MARCHF1: variants seen among roughly 807,000 people sequenced by gnomAD.
MARCHF1 encodes the protein E3 ubiquitin-protein ligase MARCHF1.
Under a neutral mutation model 54.2 loss-of-function variants are expected in MARCHF1, and 40 were observed. That is an observed-to-expected ratio of 0.74 (90% CI 0.57 to 0.96). The LOEUF is 0.96. Among genes scored for constraint, MARCHF1 ranks in the 40% least tolerant of loss-of-function variants. The pLI, the probability that MARCHF1 is intolerant of heterozygous loss-of-function variation, is 0.00. For synonymous variants in MARCHF1, 236 were observed against 236.3 expected (o/e 1.00, Z 0.01); for missense variants, 586 against 656.5 (o/e 0.89, Z 1.17).
chr4:164,350,334 G>A (rs1183581513), intron 1 of MARCHF1, among the ~76,000 whole-genome samples: 1 of 152,146 alleles, frequency 6.6e-6, no homozygotes, highest in African/African-American at 2.4e-5. Context: ...TAGAATTGAG[G>A]TTAGTAAAGT....
At chr4:163,613,162 A>C (rs192624700) in intron 6 of MARCHF1, 124 bp from the exon 7 acceptor site, 6 of 1,237,736 alleles carry the variant, frequency 4.8e-6, no homozygotes, top group African/African-American at 3.0e-5. Context: ...GATCAACTGA[A>C]GAAAATGAAC....
At chr4:164,033,225 C>T (rs961362571) in intron 2 of MARCHF1, among the ~76,000 whole-genome samples, 3 of 150,468 alleles carry the variant, frequency 2.0e-5, no homozygotes, top group African/African-American at 7.3e-5. Flanking sequence ...TAGCCATTTG[C>T]AGACAACTAA....
At chr4:164,095,415 AACAC>A (rs60204920) in intron 2 of MARCHF1, among the ~76,000 whole-genome samples, 181 of 148,920 alleles carry the variant, frequency 1.2e-3, no homozygotes, top group African/African-American at 2.6e-3. Context: ...CACACACACA[AACAC>A]ACACACACAC....
intron 5 of MARCHF1, chr4:163,613,645 A>G (rs562684246): frequency 7.1e-7 from 1 of 1,412,286 alleles, no homozygotes; most frequent in African/African-American, 1.4e-5. Context: ...AGATGATTCC[A>G]CAAGTTTCTA....
chr4:164,380,137 T>G (rs1392488342), intron 1 of MARCHF1, among the ~76,000 whole-genome samples: 1 of 152,202 alleles, frequency 6.6e-6, no homozygotes, highest in East Asian at 1.9e-4. Context: ...ATGAATAAAT[T>G]ATAAGTGCAT....
At position 163,575,778 on chromosome 4, in the gene MARCHF1, T is replaced by C. The variant is rs550156876; in HGVS notation, c.1191+9971A>G. Among the ~76,000 whole-genome samples, 16 of 152,128 alleles carry C rather than the reference T, an allele frequency of 1.1e-4. No homozygotes were observed. The South Asian group carries it at 3.3e-3, about 32-fold the overall frequency. ...TTCTTTCTGATTCAATCTTTGGAGA[T>C]TGCATGTTTCCAGAAATTTATCTTT... On this transcript the variant is annotated intron_variant, in intron 8 of 9. Coordinates refer to ENST00000514618, the MANE Select transcript of MARCHF1 (RefSeq NM_001394959.1).
At chr4:163,927,772 A>G (rs1265991680) in intron 3 of MARCHF1, among the ~76,000 whole-genome samples, 1 of 151,848 alleles carries the variant, frequency 6.6e-6, no homozygotes, top group African/African-American at 2.4e-5. Context: ...ATGTGTATCC[A>G]TTTTATACAA....
At chr4:164,095,945 G>A (rs186993559) in intron 2 of MARCHF1, among the ~76,000 whole-genome samples, 75 of 152,230 alleles carry the variant, frequency 4.9e-4, no homozygotes, top group African/African-American at 1.6e-3. Flanking sequence ...GGAGAAAGGG[G>A]AACGCTCATG....
intron 5 of MARCHF1, among the ~76,000 whole-genome samples, chr4:163,699,380 T>G (rs1744734814): frequency 6.6e-6 from 1 of 152,230 alleles, no homozygotes; most frequent in Non-Finnish European, 1.5e-5. Context: ...GGTCTGCTCC[T>G]ATAAACATCC....
intron 1 of MARCHF1, among the ~76,000 whole-genome samples, chr4:164,340,392 A>T (rs1729879310): frequency 1.1e-5 from 1 of 90,224 alleles, no homozygotes; most frequent in Non-Finnish European, 2.4e-5. Flanking sequence ...AGCACATGCC[A>T]CCAGGCCTTG....
chr4:164,322,978 GAATA>G (rs1422011889), intron 1 of MARCHF1, among the ~76,000 whole-genome samples: 1 of 151,798 alleles, frequency 6.6e-6, no homozygotes, highest in Non-Finnish European at 1.5e-5. Flanking sequence ...TTAAAAAATA[GAATA>G]AATTATAAAT....
At chr4:164,085,744 G>T (rs964849019) in intron 2 of MARCHF1, among the ~76,000 whole-genome samples, 1 of 151,826 alleles carries the variant, frequency 6.6e-6, no homozygotes, top group Non-Finnish European at 1.5e-5. Flanking sequence ...GATAATCATT[G>T]TAATGGTTTT....
At chr4:164,256,953 G>A (rs1381950687) in intron 1 of MARCHF1, among the ~76,000 whole-genome samples, 1 of 152,132 alleles carries the variant, frequency 6.6e-6, no homozygotes, top group African/African-American at 2.4e-5. Context: ...TGGGGAAGCT[G>A]TTATACTCAT....
chr4:163,856,805 G>A (rs764639776), intron 3 of MARCHF1, among the ~76,000 whole-genome samples: 10 of 152,146 alleles, frequency 6.6e-5, no homozygotes, highest in Non-Finnish European at 1.2e-4. Context: ...GAGCTCAGGG[G>A]TTCAAGATCA....
chr4:164,008,892 TAAAC>T (rs1287825284), intron 2 of MARCHF1, among the ~76,000 whole-genome samples: 1 of 151,440 alleles, frequency 6.6e-6, no homozygotes, highest in East Asian at 1.9e-4. Flanking sequence ...AGACTTCAAA[TAAAC>T]AACCTAATAA....
At chr4:163,729,859 C>T (rs1745776989) in intron 4 of MARCHF1, among the ~76,000 whole-genome samples, 1 of 152,002 alleles carries the variant, frequency 6.6e-6, no homozygotes, top group African/African-American at 2.4e-5. Flanking sequence ...TCTCTTTGTC[C>T]TTGTCTTTGG....
At chr4:164,099,306 G>C (rs140436864) in intron 2 of MARCHF1, among the ~76,000 whole-genome samples, 14 of 152,190 alleles carry the variant, frequency 9.2e-5, no homozygotes, top group Non-Finnish European at 1.8e-4. Context: ...TATTTAATAA[G>C]AGCAGGTTAG....
At chr4:164,367,183 C>G (rs897891717) in intron 1 of MARCHF1, among the ~76,000 whole-genome samples, 1 of 152,016 alleles carries the variant, frequency 6.6e-6, no homozygotes, top group African/African-American at 2.4e-5. Context: ...CCAAATTTCT[C>G]CTTATTACAT....
intron 1 of MARCHF1, among the ~76,000 whole-genome samples, chr4:164,255,230 G>A (rs1351622988): frequency 6.6e-6 from 1 of 151,984 alleles, no homozygotes; most frequent in Non-Finnish European, 1.5e-5. Context: ...CTCCGTTCTT[G>A]TATTGCAGCT....
Sources: allele counts gnomAD v4.1 joint callset (sites outside exome capture counted in the v4.1 genomes callset), GRCh38; gene constraint gnomAD v4.1.1; transcripts MANE v1.5; gene names NCBI Gene and HGNC (gene_info 2026-07-23, HGNC 2026-07-21).